TMCC2: variants seen among roughly 807,000 people sequenced by gnomAD.
TMCC2 encodes transmembrane and coiled-coil domain family 2.
A neutral mutation model predicts 49.4 loss-of-function variants in TMCC2; 16 were observed. The observed-to-expected ratio is 0.32, with a 90% CI of 0.22 to 0.49. The LOEUF (loss-of-function observed/expected upper bound fraction) is 0.49. Ranked by LOEUF, TMCC2 falls within the 20% of genes least tolerant of loss-of-function variation. TMCC2 has a pLI of 0.99. For synonymous variants in TMCC2, 397 were observed against 434.1 expected (o/e 0.91, Z 1.06); for missense variants, 762 against 989.8 (o/e 0.77, Z 3.09).
intron 1 of TMCC2, among the ~76,000 whole-genome samples, chr1:205,230,874 C>T (rs570918129): frequency 6.6e-6 from 1 of 151,476 alleles, no homozygotes; most frequent in Non-Finnish European, 1.5e-5. Context: ...TGGTCAGGGG[C>T]AGATGTAGTA....
At chr1:205,229,613 G>C in intron 1 of TMCC2, 1 of 983,462 alleles carries the variant, frequency 1.0e-6, no homozygotes, top group African/African-American at 1.8e-5. Flanking sequence ...TGGAGCCAGA[G>C]GTTAAGATAG....
chr1:205,241,361 G>A lies in TMCC2; in HGVS notation c.208-144G>A. 1.1e-6 allele frequency: 1 copy of A among 928,014 alleles called. No individual in the cohort carries two copies. The highest frequency in any genetic ancestry group is 1.6e-6 in the Non-Finnish European group (1 of 622,554). The allele number at this position is 928,014 out of a possible 1,614,324, so 57.5% of individuals were successfully genotyped here. On this transcript the variant is annotated intron_variant, in intron 1 of 4. Coordinates refer to ENST00000358024, the MANE Select transcript of TMCC2 (RefSeq NM_014858.4). The surrounding 1 kb of genome is among the most constrained non-coding windows in gnomAD (Gnocchi z 7.3). The stretch of plus-strand genomic sequence containing the variant: ...CAAACTGACCCTTTATGCACGACGG[G>A]CCATCCACAGAGATCTTCCAGGTTC...
At position 205,256,532 on chromosome 1, in the gene TMCC2, T is replaced by C. The variant is rs894566909; in HGVS notation, c.748-12418T>C. On this transcript the variant is annotated intron_variant, in intron 2 of 4. Transcript: ENST00000358024. ...ATTGGTGTCCAGGGCAGAGACTGGA[T>C]TTCTGGGACAGGATCTCAGGGCAGA... 24 of 1,068,060 alleles carry C rather than the reference T, an allele frequency of 2.2e-5. No homozygotes were observed. In the African/African-American group the frequency reaches 3.6e-4, roughly 16 times the overall value. The allele number at this position is 1,068,060 out of a possible 1,614,324, so 66.2% of individuals were successfully genotyped here. A position where few individuals can be genotyped will look rare whatever the true frequency, so the allele number is the denominator to read the frequency against.
At chr1:205,233,044 G>A (rs113400355) in intron 1 of TMCC2, among the ~76,000 whole-genome samples, 2 of 146,632 alleles carry the variant, frequency 1.4e-5, no homozygotes, top group African/African-American at 5.0e-5. Flanking sequence ...TGAGGCCCAG[G>A]ATGAGTGGCC....
chr1:205,248,753 C>T (rs942523327), intron 2 of TMCC2, among the ~76,000 whole-genome samples: 2 of 151,896 alleles, frequency 1.3e-5, no homozygotes, highest in African/African-American at 2.4e-5. Context: ...CCTGGAAAAC[C>T]TAGGGTCAGA....
Position 205,227,953 on chromosome 1 carries a change from CGCCGCGGGCTCGG to C in TMCC2, c.-604_-592del, listed in dbSNP as rs943540569. Among the ~76,000 whole-genome samples the C allele has an allele frequency of 1.3e-4, 20 of 151,444 alleles. No individual in the cohort carries two copies. The highest frequency in any genetic ancestry group is 2.6e-4 in the Admixed American group (4 of 15,204). ...AGCCGGGCGGGGTAGGTTGCGCGCT[CGCCGCGGGCTCGG>C]GCCGCGGTCGCGGCTTTGCGGCAGG... On this transcript the variant is annotated 5_prime_UTR_variant, in exon 1 of 5. Transcript: ENST00000358024.
Position 205,272,410 on chromosome 1 carries a change from A to G in TMCC2, c.*286A>G, listed in dbSNP as rs1661636956. 4.1e-6 allele frequency: 2 copies of G among 482,752 alleles called. No homozygotes were observed. Among genetic ancestry groups the G allele is most frequent in the Admixed American group, 7.4e-5 (2 of 26,972 alleles). The allele number at this position is 482,752 out of a possible 1,614,324, so 29.9% of individuals were successfully genotyped here. ...TTGTTTTGATTATTTATAGTTACAC[A>G]AGGACTTCTCCCAGCTGACCCTCAG... On this transcript the variant is annotated 3_prime_UTR_variant, in exon 5 of 5. Transcript: ENST00000358024.
intron 2 of TMCC2, among the ~76,000 whole-genome samples, chr1:205,249,506 C>T (rs2102563309): frequency 6.6e-6 from 1 of 152,326 alleles, no homozygotes. Flanking sequence ...CATGACCGCT[C>T]AGCCAGCCGG....
At chr1:205,238,219 G>C (rs1574833694) in intron 1 of TMCC2, among the ~76,000 whole-genome samples, 1 of 152,010 alleles carries the variant, frequency 6.6e-6, no homozygotes, top group African/African-American at 2.4e-5. Context: ...ACTTGTAGCT[G>C]GTTATGTGTA....
In TMCC2 at chr1:205,262,640, TTG is replaced by T. The variant is rs1487909062; in HGVS notation, c.748-6303_748-6302del. Among the ~76,000 whole-genome samples the T allele has an allele frequency of 1.1e-4, 17 of 152,316 alleles. No individual in the cohort carries two copies. The East Asian group carries it at 2.7e-3, about 24-fold the overall frequency. On this transcript the variant is annotated intron_variant, in intron 2 of 4. Coordinates refer to ENST00000358024, the MANE Select transcript of TMCC2 (RefSeq NM_014858.4). Reference sequence around the variant, plus strand: ...ATAACCTTTCCTGGGTTTGGTCAGCTTGTGTGTGAAGAAGGCAGATCCAAGTG... The same window carrying T: ...ATAACCTTTCCTGGGTTTGGTCAGCTTGTGTGAAGAAGGCAGATCCAAGTG...
chr1:205,265,786 C>T lies in TMCC2; in HGVS notation c.748-3164C>T, dbSNP rs1661299090. Among the ~76,000 whole-genome samples the T allele has an allele frequency of 5.3e-5, 8 of 151,074 alleles. No individual in the cohort carries two copies. The South Asian group carries it at 1.7e-3, about 31-fold the overall frequency. ...ATGTTGGTTAGGCTGGTCTCGAACC[C>T]CTGACCTCATGATCCACCCGCCTCA... is the stretch of plus-strand genomic sequence containing the variant. On this transcript the variant is annotated intron_variant, in intron 2 of 4. Transcript: ENST00000358024.
chr1:205,243,238 G>A (rs1177511317), intron 2 of TMCC2, among the ~76,000 whole-genome samples: 1 of 152,170 alleles, frequency 6.6e-6, no homozygotes, highest in Non-Finnish European at 1.5e-5. Flanking sequence ...ACAAAAATTA[G>A]CCAGGCATGG....
At position 205,269,663 on chromosome 1, in the gene TMCC2, C is replaced by T. The variant is rs760443851; in HGVS notation, c.1461C>T (p.Ala487=). ...GCTCCAGCGCCAGCGCCAGCTCAGC[C>T]GGGGCAGGCAGCAACTCTGGGGCTG... ...DECSSASASS[A]GAGSNSGAGP... The change falls in exon 3 of 5, where the codon GCC becomes GCT. Residue 487 remains alanine, a synonymous_variant. Transcript: ENST00000358024. The T allele has an allele frequency of 1.3e-5, 21 of 1,613,690 alleles. No homozygotes were observed. Among genetic ancestry groups the T allele is most frequent in the Admixed American group, 3.3e-5 (2 of 60,010 alleles).
intron 2 of TMCC2, among the ~76,000 whole-genome samples, chr1:205,254,024 C>A (rs1660767372): frequency 6.6e-6 from 1 of 152,222 alleles, no homozygotes; most frequent in African/African-American, 2.4e-5. Flanking sequence ...TCCTCCATCT[C>A]CTGATGCCAC....
intron 3 of TMCC2, among the ~76,000 whole-genome samples, 161 bp from the exon 4 acceptor site, chr1:205,270,959 A>C (rs964478765): frequency 2.0e-5 from 3 of 152,224 alleles, no homozygotes; most frequent in African/African-American, 7.2e-5. Context: ...CTGTGTAAAT[A>C]GTAGCTTCTA....
intron 1 of TMCC2, among the ~76,000 whole-genome samples, chr1:205,235,544 A>C (rs1304643745): frequency 6.6e-6 from 1 of 152,202 alleles, no homozygotes; most frequent in Non-Finnish European, 1.5e-5. Flanking sequence ...GCAGCTTCTC[A>C]GTGGTGGTCT....
chr1:205,263,809 T>G (rs1661213080), intron 2 of TMCC2, among the ~76,000 whole-genome samples: 1 of 152,228 alleles, frequency 6.6e-6, no homozygotes, highest in African/African-American at 2.4e-5. Flanking sequence ...AGACTCTTGC[T>G]TCCTAAAAAG....
chr1:205,242,143 C>A, intron 2 of TMCC2, 99 bp downstream of exon 2: 2 of 1,295,518 alleles, frequency 1.5e-6, no homozygotes, highest in Non-Finnish European at 2.1e-6. Context: ...CCCTCCCTGG[C>A]AGATACTGAC....
chr1:205,249,377 C>T (rs979253996), intron 2 of TMCC2, among the ~76,000 whole-genome samples: 1 of 152,254 alleles, frequency 6.6e-6, no homozygotes, highest in Admixed American at 6.5e-5. Flanking sequence ...CCCCCAACCC[C>T]TGGCTCTTGC....
Sources: gnomAD v4.1 joint callset for allele counts (sites outside exome capture counted in the v4.1 genomes callset) on GRCh38, gnomAD v4.1.1 for gene constraint, Gnocchi (gnomAD v3.1) non-coding constraint, MANE v1.5 for transcripts, NCBI Gene and HGNC (gene_info 2026-07-23, HGNC 2026-07-21) for gene names.